The following MTUS2 variants were observed in gnomAD, a reference collection of about 807,000 sequenced individuals.
MTUS2 encodes microtubule associated scaffold protein 2, also known as microtubule-associated tumor suppressor candidate 2.
MTUS2 carries 40 observed loss-of-function variants against 114.1 expected under a neutral mutation model. The observed-to-expected ratio is 0.35, with a 90% CI of 0.27 to 0.46. The LOEUF (loss-of-function observed/expected upper bound fraction) is 0.46, where lower values mean the gene tolerates loss of function less well. Ranked by LOEUF, MTUS2 falls within the 20% of genes least tolerant of loss-of-function variation. The probability of loss-of-function intolerance (pLI) is 1.00; values close to 1 mark genes in which losing one functional copy is unlikely to be tolerated. For synonymous variants in MTUS2, 688 were observed against 672.0 expected, an observed-to-expected ratio of 1.02 and a Z score of -0.37; for missense variants, 1,679 against 1,705.4, an observed-to-expected ratio of 0.98 and a Z score of 0.27.
intron 5 of MTUS2, among the ~76,000 whole-genome samples, chr13:29,138,956 G>A (rs2138992406): frequency 6.6e-6 from 1 of 151,746 alleles, no homozygotes. Context: ...ATCTGCTTTG[G>A]AAGCTGGTTT....
chr13:29,308,249 C>T (rs536829535), intron 6 of MTUS2, among the ~76,000 whole-genome samples: 191 of 152,274 alleles, frequency 1.3e-3, no homozygotes, highest in Middle Eastern at 3.4e-3. Flanking sequence ...AGAAATAAGA[C>T]CACATGCCTC....
chr13:29,046,928 G>A (rs1446462884), intron 4 of MTUS2, among the ~76,000 whole-genome samples: 3 of 152,196 alleles, frequency 2.0e-5, no homozygotes, highest in African/African-American at 7.2e-5. Context: ...AGCCAACTGG[G>A]ATTAGTTTAG....
intron 11 of MTUS2, among the ~76,000 whole-genome samples, chr13:29,491,990 G>GCA (rs1882161982): frequency 7.4e-6 from 1 of 135,018 alleles, no homozygotes; most frequent in African/African-American, 2.8e-5. Flanking sequence ...GGTGTGTGTG[G>GCA]TGTATGGTGT....
chr13:28,833,875 A>G (rs984074776), intron 1 of MTUS2, among the ~76,000 whole-genome samples: 4 of 152,118 alleles, frequency 2.6e-5, no homozygotes, highest in African/African-American at 4.8e-5. Context: ...AGTCAATTGT[A>G]TTTCTCTGCA....
rs1306932732 is a variant in MTUS2 at position 29,486,658 on chromosome 13, TCTAA to T, written c.3400-1238_3400-1235del. 3.9e-5 allele frequency among the ~76,000 whole-genome samples: 6 copies of T among 152,386 alleles called. No individual in the cohort carries two copies. In the South Asian group the frequency reaches 1.2e-3, roughly 32 times the overall value. The stretch of plus-strand genomic sequence containing the variant: ...AGCTTGTGAAATAAATGTAGTGGCC[TCTAA>T]CTAGCGTTTTGTAAAACAAAGTAAA... On this transcript the variant is annotated intron_variant, in intron 10 of 15. Coordinates refer to ENST00000612955, the MANE Select transcript of MTUS2 (RefSeq NM_001033602.4).
At chr13:28,998,710 C>T (rs189977781) in intron 2 of MTUS2, among the ~76,000 whole-genome samples, 265 of 152,330 alleles carry the variant, frequency 1.7e-3, no homozygotes, top group Middle Eastern at 0.01. Context: ...GCATTTGTCA[C>T]GTAGTTCTTG....
intron 2 of MTUS2, among the ~76,000 whole-genome samples, chr13:28,849,236 A>T (rs1876088997): frequency 6.6e-6 from 1 of 152,236 alleles, no homozygotes; most frequent in Non-Finnish European, 1.5e-5. Flanking sequence ...TCAGAGTTAG[A>T]TAAATGGAAA....
At chr13:28,835,661 A>G (rs1166993945) in intron 1 of MTUS2, among the ~76,000 whole-genome samples, 1 of 152,224 alleles carries the variant, frequency 6.6e-6, no homozygotes, top group Non-Finnish European at 1.5e-5. Context: ...TCTGGGCTAC[A>G]TATCAGTAAA....
intron 5 of MTUS2, among the ~76,000 whole-genome samples, chr13:29,164,649 C>T (rs185374488): frequency 4.1e-4 from 63 of 152,058 alleles, no homozygotes; most frequent in African/African-American, 1.4e-3. Context: ...AGTGGGAGCC[C>T]ACAAAGAGAA....
At chr13:29,254,222 T>G (rs957261238) in intron 5 of MTUS2, among the ~76,000 whole-genome samples, 5 of 152,200 alleles carry the variant, frequency 3.3e-5, no homozygotes, top group Middle Eastern at 3.2e-3. Flanking sequence ...CCTTCTTAGA[T>G]GCTTAGCTCC....
chr13:28,940,346 T>G lies in MTUS2; in HGVS notation c.-242-84111T>G, dbSNP rs1215083854. On this transcript the variant is annotated intron_variant, in intron 2 of 15. Coordinates refer to ENST00000612955, the MANE Select transcript of MTUS2 (RefSeq NM_001033602.4). ...GGCTTAACCTGAAAAAGATGCTAAG[T>G]GAAAGAAGCTGGAAATAAAAGGTCA... Among the ~76,000 whole-genome samples, 4 of 152,120 alleles carry G rather than the reference T, an allele frequency of 2.6e-5. No individual in the cohort carries two copies. In the East Asian group the frequency reaches 7.7e-4, roughly 29 times the overall value.
intron 2 of MTUS2, among the ~76,000 whole-genome samples, chr13:28,903,097 T>A (rs926330296): frequency 6.6e-6 from 1 of 152,144 alleles, no homozygotes; most frequent in Non-Finnish European, 1.5e-5. Context: ...ATTCCTTCTA[T>A]TTGAAGAACT....
intron 8 of MTUS2, among the ~76,000 whole-genome samples, chr13:29,420,283 CT>C (rs34081195): frequency 7.9e-4 from 109 of 137,370 alleles, no homozygotes; most frequent in Non-Finnish European, 9.3e-4. Context: ...TCTTTCTTTC[CT>C]TTTTTTTTTT....
At chr13:28,829,891 T>C (rs1172644651) in intron 1 of MTUS2, among the ~76,000 whole-genome samples, 1 of 152,190 alleles carries the variant, frequency 6.6e-6, no homozygotes, top group East Asian at 1.9e-4. Flanking sequence ...GTCCAGGAAA[T>C]ACTTAATAAG....
Position 29,463,211 on chromosome 13 carries a change from T to C in MTUS2, c.3185-16939T>C, listed in dbSNP as rs184751254. Among the ~76,000 whole-genome samples the C allele has an allele frequency of 2.8e-4, 43 of 152,306 alleles. No individual in the cohort carries two copies. In the East Asian group the frequency reaches 8.1e-3, roughly 29 times the overall value. The stretch of plus-strand genomic sequence containing the variant: ...GAAAAGGGGAGGATATGTATTCTCC[T>C]GGGAGCCACCAAAGGGAGCACACCC... On this transcript the variant is annotated intron_variant, in intron 9 of 15. Transcript: ENST00000612955.
intron 7 of MTUS2, among the ~76,000 whole-genome samples, chr13:29,326,456 T>C (rs1444585439): frequency 6.6e-6 from 1 of 152,124 alleles, no homozygotes; most frequent in Admixed American, 6.6e-5. Flanking sequence ...TGTTAAAATT[T>C]CTAAGATGAG....
At chr13:29,324,825 A>G in intron 7 of MTUS2, 114 bp downstream of exon 7, 1 of 766,588 alleles carries the variant, frequency 1.3e-6, no homozygotes. Context: ...CAATTGTTCC[A>G]GAGCTTGACA....
At chr13:28,918,151 G>C (rs1033473224) in intron 2 of MTUS2, among the ~76,000 whole-genome samples, 3 of 151,916 alleles carry the variant, frequency 2.0e-5, no homozygotes, top group African/African-American at 7.2e-5. Context: ...GTATTCTGAA[G>C]CCTTTGGATT....
chr13:28,889,418 T>C (rs1046759851), intron 2 of MTUS2, among the ~76,000 whole-genome samples: 2 of 152,334 alleles, frequency 1.3e-5, no homozygotes, highest in Admixed American at 6.5e-5. Context: ...TTTCTAATTA[T>C]AGCAGTCATC....
Sources: allele counts gnomAD v4.1 joint callset (sites outside exome capture counted in the v4.1 genomes callset), GRCh38; gene constraint gnomAD v4.1.1; transcripts MANE v1.5; gene names NCBI Gene and HGNC (gene_info 2026-07-23, HGNC 2026-07-21).